The following TRIP10 variants were observed in gnomAD, a reference collection of about 807,000 sequenced individuals.
The protein encoded by TRIP10 is thyroid hormone receptor interactor 10.
A neutral mutation model predicts 80.9 loss-of-function variants in TRIP10; 54 were observed. That is an observed-to-expected ratio of 0.67 (90% confidence interval 0.54 to 0.84). The LOEUF (loss-of-function observed/expected upper bound fraction) is 0.84, where lower values mean the gene tolerates loss of function less well. Among genes scored for constraint, TRIP10 ranks in the 40% least tolerant of loss-of-function variants. The pLI is 0.00. For synonymous variants in TRIP10, 321 were observed against 307.2 expected, an observed-to-expected ratio of 1.04 and a Z score of -0.47; for missense variants, 773 against 815.3, an observed-to-expected ratio of 0.95 and a Z score of 0.63.
At position 6,745,153 on chromosome 19, in the gene TRIP10, T is replaced by A. The variant is rs796759743; in HGVS notation, c.984+159T>A. On this transcript the variant is annotated intron_variant, in intron 9 of 14. Coordinates refer to ENST00000313244, the MANE Select transcript of TRIP10 (RefSeq NM_001288962.2). The surrounding 1 kb of genome is among the most constrained non-coding windows in gnomAD (Gnocchi z 7.2). ...GACTGGAGGGAAGGAAGGCGGCCGA[T>A]TGGCCTGGGAGTCCCCCGAGGCGAA... The A allele has an allele frequency of 2.0e-4, 165 of 811,134 alleles. No individual in the cohort carries two copies. The African/African-American group carries it at 3.0e-3, about 15-fold the overall frequency. The allele number at this position is 811,134 out of a possible 1,614,324, so 50.2% of individuals were successfully genotyped here.
At chr19:6,742,598 G>T (rs1052485842) in intron 3 of TRIP10, among the ~76,000 whole-genome samples, 15 of 151,966 alleles carry the variant, frequency 9.9e-5, no homozygotes, top group African/African-American at 3.4e-4. Flanking sequence ...AGTTCGGGGG[G>T]ATTGGAGTTT....
intron 12 of TRIP10, 72 bp downstream of exon 12, chr19:6,750,138 TCGGGG>T: frequency 2.1e-6 from 1 of 481,566 alleles, no homozygotes; most frequent in Non-Finnish European, 3.7e-6. Context: ...GGGTGGGGGG[TCGGGG>T]ACAGGGGAGG....
rs370057792 is a variant in TRIP10, at chr19:6,743,842, T to C, written c.642+6T>C. 1.1e-5 allele frequency: 17 copies of C among 1,613,418 alleles called. No homozygotes were observed. The highest frequency in any genetic ancestry group is 1.4e-5 in the Non-Finnish European group (17 of 1,179,850). ...AGATGCCCCAGATATTCGATGTGAG[T>C]GCTCCCAGTTCTCAGACCTACCTTC... On this transcript the variant is annotated splice_donor_region_variant and intron_variant, in intron 7 of 14. Transcript: ENST00000313244.
chr19:6,746,432 G>A lies in TRIP10; in HGVS notation c.1153-20G>A. On this transcript the variant is annotated intron_variant, in intron 10 of 14. Coordinates refer to ENST00000313244, the MANE Select transcript of TRIP10 (RefSeq NM_001288962.2). This position sits in a 1 kb window ranked among gnomAD's most constrained non-coding sequence, Gnocchi z 6.2. ...GCTAGACTCCTTGATCCCAAATTCA[G>A]CCCTCTACCCACCTTGCAGACAGTG... 6.2e-7 allele frequency: 1 copy of A among 1,613,560 alleles called. No individual in the cohort carries two copies. The highest frequency in any genetic ancestry group is 1.1e-5 in the South Asian group (1 of 91,050).
chr19:6,741,001 C>G lies in TRIP10; in HGVS notation c.25-9C>G. 6.2e-7 allele frequency: 1 copy of G among 1,611,366 alleles called. No individual in the cohort carries two copies. Among genetic ancestry groups the G allele is most frequent in the Non-Finnish European group, 8.5e-7 (1 of 1,178,118 alleles). ...CTCTCCCCTCCTCCCCCACCATGTC[C>G]CATGTCAGGATCAGTTCGAGGTGCT... On this transcript the variant is annotated splice_polypyrimidine_tract_variant and intron_variant, in intron 1 of 14. Coordinates refer to ENST00000313244, the MANE Select transcript of TRIP10 (RefSeq NM_001288962.2).
rs1448810698 is a variant in TRIP10 at position 6,744,133 on chromosome 19, CCTTT to C, written c.642+306_642+309del. ...GCCTGGAACCCCTGTGCTCAAGTGA[CCTTT>C]CTTTCTTTTTGAAATTCCTACTTAT... On this transcript the variant is annotated intron_variant, in intron 7 of 14. Transcript: ENST00000313244. This position sits in a 1 kb window ranked among gnomAD's most constrained non-coding sequence, Gnocchi z 4.9. Among the ~76,000 whole-genome samples the C allele has an allele frequency of 4.6e-5, 7 of 152,106 alleles. No homozygotes were observed. The highest frequency in any genetic ancestry group is 2.1e-4 in the South Asian group (1 of 4,828).
chr19:6,751,463 T>C lies in TRIP10; in HGVS notation c.*252T>C. The C allele has an allele frequency of 1.1e-6, 1 of 928,690 alleles. No individual in the cohort carries two copies. Among genetic ancestry groups the C allele is most frequent in the Non-Finnish European group, 1.4e-6 (1 of 692,562 alleles). 57.5% of individuals were successfully genotyped at this position (928,690 alleles called of 1,614,324 possible). ...TCTTTCTGCCGCTCGGCTCCGGCCA[T>C]TTTGTTTTATACAAAAATGGGAAAA... On this transcript the variant is annotated 3_prime_UTR_variant, in exon 15 of 15. Coordinates refer to ENST00000313244, the MANE Select transcript of TRIP10 (RefSeq NM_001288962.2).
In TRIP10 at chr19:6,745,514, C is replaced by A; in HGVS notation, c.985-515C>A. 2.1e-6 allele frequency: 2 copies of A among 953,988 alleles called. No individual in the cohort carries two copies. The highest frequency in any genetic ancestry group is 1.2e-4 in the East Asian group (1 of 8,670). 59.1% of individuals were successfully genotyped at this position (953,988 alleles called of 1,614,324 possible). Reference sequence around the variant, plus strand: ...GAGCTTAAACTTCTGATGCCCCTAACCCCTCTCATTTTCCTGCCTTCCACT... The same window carrying A: ...GAGCTTAAACTTCTGATGCCCCTAAACCCTCTCATTTTCCTGCCTTCCACT... On this transcript the variant is annotated intron_variant, in intron 9 of 14. Transcript: ENST00000313244. This position sits in a 1 kb window ranked among gnomAD's most constrained non-coding sequence, Gnocchi z 7.2.
chr19:6,744,735 A>G lies in TRIP10; in HGVS notation c.789+35A>G. On this transcript the variant is annotated intron_variant, in intron 8 of 14. Transcript: ENST00000313244. This position sits in a 1 kb window ranked among gnomAD's most constrained non-coding sequence, Gnocchi z 4.9. ...TGGTCTGGGTCCACTGGGCTACGGG[A>G]AGGGCAGAGGGAGGTACCCATAGGC... 6.3e-7 allele frequency: 1 copy of G among 1,591,448 alleles called. No homozygotes were observed. The highest frequency in any genetic ancestry group is 8.6e-7 in the Non-Finnish European group (1 of 1,167,596).
Position 6,746,069 on chromosome 19 carries a change from C to T in TRIP10, c.1025C>T (p.Pro342Leu), listed in dbSNP as rs1969116442. ...PPLSPLGGPV[P>L]SALPNGPPSP... ...CTCTCCCCCCTGGGGGGCCCCGTAC[C>T]CTCGGCATTGCCTAACGGACCCCCG... The change falls in exon 10 of 15, where the codon CCC (proline) becomes CTC (leucine). Residue 342 changes from proline (P) to leucine (L), a missense_variant. Coordinates refer to ENST00000313244, the MANE Select transcript of TRIP10 (RefSeq NM_001288962.2). The surrounding 1 kb of genome is among the most constrained non-coding windows in gnomAD (Gnocchi z 6.2). The T allele has an allele frequency of 6.6e-7, 1 of 1,515,880 alleles. No homozygotes were observed. Among genetic ancestry groups the T allele is most frequent in the South Asian group, 1.3e-5 (1 of 79,974 alleles). The allele number at this position is 1,515,880 out of a possible 1,614,324, so 93.9% of individuals were successfully genotyped here.
At chr19:6,739,811 G>C in intron 1 of TRIP10, 26 bp downstream of exon 1, 1 of 1,452,934 alleles carries the variant, frequency 6.9e-7, no homozygotes, top group Non-Finnish European at 9.1e-7. Flanking sequence ...CCGCCTCTAA[G>C]TTCCCCTTTG....
At chr19:6,750,204 CGTGG>C (rs1568256526) in intron 12 of TRIP10, 84 bp from the exon 13 acceptor site, 2 of 1,584,586 alleles carry the variant, frequency 1.3e-6, no homozygotes, top group African/African-American at 2.7e-5. Flanking sequence ...CTTGGCTGTG[CGTGG>C]GTGATCTCAG....
In TRIP10 at chr19:6,745,541, C is replaced by T. The variant is rs1407624619; in HGVS notation, c.985-488C>T. Reference sequence around the variant, plus strand: ...CCTCTCATTTTCCTGCCTTCCACTCCCTCTCGGCTTGTGGTTTTATTTTTG... The same window carrying T: ...CCTCTCATTTTCCTGCCTTCCACTCTCTCTCGGCTTGTGGTTTTATTTTTG... On this transcript the variant is annotated intron_variant, in intron 9 of 14. Coordinates refer to ENST00000313244, the MANE Select transcript of TRIP10 (RefSeq NM_001288962.2). The surrounding 1 kb of genome is among the most constrained non-coding windows in gnomAD (Gnocchi z 7.2). 5 of 984,794 alleles carry T rather than the reference C, an allele frequency of 5.1e-6. No homozygotes were observed. Among genetic ancestry groups the T allele is most frequent in the East Asian group, 2.3e-4 (2 of 8,816 alleles). The allele number at this position is 984,794 out of a possible 1,614,324, so 61.0% of individuals were successfully genotyped here. A position where few individuals can be genotyped will look rare whatever the true frequency, so the allele number is the denominator to read the frequency against.
Position 6,751,282 on chromosome 19 carries a change from T to C in TRIP10, c.*71T>C. On this transcript the variant is annotated 3_prime_UTR_variant, in exon 15 of 15. Coordinates refer to ENST00000313244, the MANE Select transcript of TRIP10 (RefSeq NM_001288962.2). The stretch of plus-strand genomic sequence containing the variant: ...GGGCCACGGGGAGCCCCAGGACCTA[T>C]GCACTTTATTTCTGACCCCGTGGCT... 1 of 1,609,092 alleles carries C rather than the reference T, an allele frequency of 6.2e-7. No individual in the cohort carries two copies. Among genetic ancestry groups the C allele is most frequent in the Non-Finnish European group, 8.5e-7 (1 of 1,177,716 alleles).
intron 11 of TRIP10, among the ~76,000 whole-genome samples, chr19:6,749,093 T>A (rs925827681): frequency 3.9e-5 from 6 of 152,164 alleles, no homozygotes; most frequent in African/African-American, 1.4e-4. Context: ...CCTTCTTTTT[T>A]TATTTTTTAA....
In TRIP10 at chr19:6,745,581, T is replaced by A; in HGVS notation, c.985-448T>A. ...TTTTATTTTTGTTTATTTATTTTTGTCCTCTGTGGCCTCTTACCTGTCTGA... is the reference window on the plus strand; with the variant it reads ...TTTTATTTTTGTTTATTTATTTTTGACCTCTGTGGCCTCTTACCTGTCTGA... On this transcript the variant is annotated intron_variant, in intron 9 of 14. Coordinates refer to ENST00000313244, the MANE Select transcript of TRIP10 (RefSeq NM_001288962.2). The surrounding 1 kb of genome is among the most constrained non-coding windows in gnomAD (Gnocchi z 7.2). 1.0e-6 allele frequency: 1 copy of A among 985,288 alleles called. No individual in the cohort carries two copies. The highest frequency in any genetic ancestry group is 1.2e-6 in the Non-Finnish European group (1 of 829,922). 61.0% of individuals were successfully genotyped at this position (985,288 alleles called of 1,614,324 possible). A position where few individuals can be genotyped will look rare whatever the true frequency, so the allele number is the denominator to read the frequency against.
At chr19:6,750,268 G>C (rs200006584) in intron 12 of TRIP10, 24 bp from the exon 13 acceptor site, 4 of 1,613,114 alleles carry the variant, frequency 2.5e-6, no homozygotes, top group South Asian at 1.1e-5. Context: ...GCCCTGGAAC[G>C]ATTTTCCTGT....
At position 6,750,056 on chromosome 19, in the gene TRIP10, A is replaced by G. The variant is rs755067249; in HGVS notation, c.1385A>G (p.Gln462Arg). 14 of 1,568,168 alleles carry G rather than the reference A, an allele frequency of 8.9e-6. No homozygotes were observed. Among genetic ancestry groups the G allele is most frequent in the Middle Eastern group, 1.7e-4 (1 of 5,868 alleles). ...ATTGAACGGCTGAAATTGGAAGTGCAGAAGTATGAGGTCAGGAAAGACCCT... is the reference window on the plus strand; with the variant it reads ...ATTGAACGGCTGAAATTGGAAGTGCGGAAGTATGAGGTCAGGAAAGACCCT... ...SNIERLKLEV[Q>R]KYEAWLAEAE... Residue 462 changes from glutamine (Q) to arginine (R), a missense_variant, in exon 12 of 15, where the codon CAG (glutamine) becomes CGG (arginine). Coordinates refer to ENST00000313244, the MANE Select transcript of TRIP10 (RefSeq NM_001288962.2).
rs572572571 is a variant in TRIP10 at position 6,740,941 on chromosome 19, C to A, written c.25-69C>A. The A allele has an allele frequency of 1.6e-5, 22 of 1,399,718 alleles. No homozygotes were observed. The East Asian group carries it at 4.8e-4, about 31-fold the overall frequency. The allele number at this position is 1,399,718 out of a possible 1,614,324, so 86.7% of individuals were successfully genotyped here. Reference sequence around the variant, plus strand: ...TGGCCCTCCCTGGGAGTCTGGTCGGCGGGCTGTGGGGTCCCAAAATCGTGA... The same window carrying A: ...TGGCCCTCCCTGGGAGTCTGGTCGGAGGGCTGTGGGGTCCCAAAATCGTGA... On this transcript the variant is annotated intron_variant, in intron 1 of 14. Transcript: ENST00000313244.
Sources: allele counts gnomAD v4.1 joint callset (sites outside exome capture counted in the v4.1 genomes callset), GRCh38; gene constraint gnomAD v4.1.1; non-coding constraint Gnocchi (gnomAD v3.1); transcripts MANE v1.5; gene names NCBI Gene and HGNC (gene_info 2026-07-23, HGNC 2026-07-21).